GBF1: variants seen among roughly 807,000 people sequenced by gnomAD.
GBF1 encodes the protein Golgi-specific brefeldin A-resistance guanine nucleotide exchange factor 1.
A neutral mutation model predicts 210.5 loss-of-function variants in GBF1; 114 were observed. The observed-to-expected ratio is 0.54, with a 90% CI of 0.47 to 0.63. The LOEUF is 0.63. Among genes scored for constraint, GBF1 ranks in the 30% least tolerant of loss-of-function variants. The probability of loss-of-function intolerance (pLI) is 0.00; values close to 1 mark genes in which losing one functional copy is unlikely to be tolerated. For missense variants in GBF1, 1,851 were observed against 2,357.7 expected (o/e 0.79, Z 4.45); for synonymous variants, 850 against 889.2 (o/e 0.96, Z 0.78).
intron 3 of GBF1, among the ~76,000 whole-genome samples, chr10:102,302,429 C>G (rs1466895744): frequency 6.6e-6 from 1 of 151,176 alleles, no homozygotes. Context: ...CTGTTAACAA[C>G]AAAACAAAAA....
chr10:102,370,605 C>T (rs1320270137), intron 28 of GBF1, 102 bp from the exon 29 acceptor site: 1 of 1,329,484 alleles, frequency 7.5e-7, no homozygotes, highest in East Asian at 2.3e-5. Context: ...TCATACCTGT[C>T]TACTTAGGGT....
chr10:102,289,939 G>A (rs1424758898), intron 3 of GBF1, among the ~76,000 whole-genome samples: 2 of 151,564 alleles, frequency 1.3e-5, no homozygotes, highest in Non-Finnish European at 2.9e-5. Flanking sequence ...GTGGGACCCC[G>A]TCTGTACAAA....
chr10:102,288,368 C>T (rs2076134171), intron 3 of GBF1, among the ~76,000 whole-genome samples: 1 of 152,026 alleles, frequency 6.6e-6, no homozygotes, highest in Non-Finnish European at 1.5e-5. Flanking sequence ...TGGATTCTAT[C>T]CAGGATCTCC....
rs571591604 is a variant in GBF1, at chr10:102,368,606, C to A, written c.2880-133C>A. ...AGGCTGAAGCTTGGGTAGGCTCAGT[C>A]TTAAACAGAAACAAAATTAAAAGGT... On this transcript the variant is annotated intron_variant, in intron 22 of 39. Transcript: ENST00000369983. 27 of 822,758 alleles carry A rather than the reference C, an allele frequency of 3.3e-5. No homozygotes were observed. The African/African-American group carries it at 3.9e-4, about 12-fold the overall frequency. The allele number at this position is 822,758 out of a possible 1,614,324, so 51.0% of individuals were successfully genotyped here. A position where few individuals can be genotyped will look rare whatever the true frequency, so the allele number is the denominator to read the frequency against.
chr10:102,379,189 C>G, intron 33 of GBF1, 95 bp from the exon 34 acceptor site: 1 of 1,183,452 alleles, frequency 8.4e-7, no homozygotes. Context: ...GCTAGGGACA[C>G]CTTGAGGACT....
chr10:102,372,497 G>A (rs1325824253), intron 29 of GBF1, among the ~76,000 whole-genome samples: 4 of 152,046 alleles, frequency 2.6e-5, no homozygotes, highest in Admixed American at 6.6e-5. Flanking sequence ...CCTGGACAGC[G>A]AAACTCTGTC....
the GBF1 span, among the ~76,000 whole-genome samples, chr10:102,235,722 C>T: frequency 9.2e-5 from 14 of 152,298 alleles, no homozygotes; most frequent in African/African-American, 1.9e-4. Flanking sequence ...AAGATCTCAT[C>T]CCTGTGTCTG....
chr10:102,361,671 C>G, intron 13 of GBF1, 47 bp from the exon 14 acceptor site: 1 of 1,349,456 alleles, frequency 7.4e-7, no homozygotes, highest in Non-Finnish European at 1.0e-6. Flanking sequence ...CTCTTCCTAT[C>G]TTGAATCCTT....
chr10:102,336,265 C>T (rs1443461663), intron 3 of GBF1, among the ~76,000 whole-genome samples: 1 of 143,846 alleles, frequency 7.0e-6, no homozygotes, highest in African/African-American at 2.6e-5. Context: ...CACTCCACTG[C>T]ACTCTAGCCT....
chr10:102,292,079 CG>C (rs2076489132), intron 3 of GBF1, among the ~76,000 whole-genome samples: 1 of 151,576 alleles, frequency 6.6e-6, no homozygotes, highest in Non-Finnish European at 1.5e-5. Context: ...TTAGTAGAGA[CG>C]GGGTTTCACT....
intron 1 of GBF1, among the ~76,000 whole-genome samples, chr10:102,256,374 C>T (rs1187433972): frequency 6.6e-6 from 1 of 151,982 alleles, no homozygotes; most frequent in East Asian, 1.9e-4. Flanking sequence ...ATTTCTTTCT[C>T]TATTATCTCT....
intron 1 of GBF1, 102 bp from the exon 2 acceptor site, chr10:102,258,827 G>A: frequency 1.2e-5 from 6 of 497,350 alleles, no homozygotes; most frequent in South Asian, 2.3e-5. Context: ...GTACTGAAAA[G>A]TTAAATCACA....
At chr10:102,259,427 G>C (rs1167835783) in intron 2 of GBF1, among the ~76,000 whole-genome samples, 1 of 152,208 alleles carries the variant, frequency 6.6e-6, no homozygotes, top group African/African-American at 2.4e-5. Flanking sequence ...ACTCCTTCTT[G>C]GGGGTTCAGC....
intron 7 of GBF1, 125 bp downstream of exon 7, chr10:102,352,643 TG>T (rs920172597): frequency 5.7e-6 from 4 of 706,824 alleles, no homozygotes; most frequent in African/African-American, 5.2e-5. Context: ...GGATTATGGA[TG>T]GGGGGTAGTT....
At chr10:102,357,154 T>C (rs2059337666) in intron 8 of GBF1, among the ~76,000 whole-genome samples, 1 of 152,108 alleles carries the variant, frequency 6.6e-6, no homozygotes, top group Admixed American at 6.6e-5. Flanking sequence ...CTCCAAGGAA[T>C]GAGCTTTTGA....
At chr10:102,270,193 G>A (rs1415799290) in intron 3 of GBF1, among the ~76,000 whole-genome samples, 1 of 145,392 alleles carries the variant, frequency 6.9e-6, no homozygotes, top group African/African-American at 2.6e-5. Flanking sequence ...TTTTTGAGAC[G>A]GAGTCTAGCT....
At chr10:102,308,201 T>TA (rs11440668) in intron 3 of GBF1, among the ~76,000 whole-genome samples, 65,567 of 123,290 alleles carry the variant, frequency 0.53, 18,576 homozygotes, top group African/African-American at 0.74. Context: ...TCACAGAAGC[T>TA]AAAAAAAAAA....
chr10:102,245,193 T>C (rs936668992), upstream of GBF1, among the ~76,000 whole-genome samples: 2 of 152,232 alleles, frequency 1.3e-5, no homozygotes. Flanking sequence ...TTCCAGCCAA[T>C]TGTAGCCTTT....
Position 102,380,769 on chromosome 10 carries a change from A to G in GBF1, c.5173+83A>G. On this transcript the variant is annotated intron_variant, in intron 38 of 39. Transcript: ENST00000369983. ...ACACCTCTAATCCCAGCACTTTGAG[A>G]GGCCGAGGTGGGTGGATCACCCGAG... 7 of 1,175,506 alleles carry G rather than the reference A, an allele frequency of 6.0e-6. No individual in the cohort carries two copies. In the South Asian group the frequency reaches 7.3e-5, roughly 12 times the overall value. The allele number at this position is 1,175,506 out of a possible 1,614,324, so 72.8% of individuals were successfully genotyped here.
Sources: allele counts gnomAD v4.1 joint callset (sites outside exome capture counted in the v4.1 genomes callset), GRCh38; gene constraint gnomAD v4.1.1; transcripts MANE v1.5; gene names NCBI Gene and HGNC (gene_info 2026-07-23, HGNC 2026-07-21).